The following GABRB2 variants were observed in gnomAD, a reference collection of about 807,000 sequenced individuals.
GABRB2 encodes the protein gamma-aminobutyric acid receptor subunit beta-2.
GABRB2 carries 16 observed loss-of-function variants against 54.7 expected under a neutral mutation model. The observed-to-expected ratio is 0.29, with a 90% CI of 0.20 to 0.44. The LOEUF is 0.44. GABRB2 is among the 20% of genes least tolerant of loss of function. The pLI is 1.00. For missense variants in GABRB2, 355 were observed against 644.0 expected (o/e 0.55, Z 4.86); for synonymous variants, 244 against 233.8 (o/e 1.04, Z -0.40).
rs749235572 is a variant in GABRB2, at chr5:161,330,952, T to A, written c.1008A>T (p.Gln336His). ...VNYIFFGRGP[Q>H]RQKKAAEKAA... ...CCTTCTCAGCTGCTTTCTTTTGGCG[T>A]TGGGGCCCCCTCCCAAAGAAGATGT... Residue 336 changes from glutamine to histidine, a missense_variant, in exon 8 of 10, where the codon CAA becomes CAT. Physicochemically the swap from Gln to His is conservative, Grantham distance 24 (BLOSUM62 0). This residue lies in a region of GABRB2 where 201 missense variants were observed against 228.1 expected (regional missense o/e 0.88). Coordinates refer to ENST00000393959, the MANE Select transcript of GABRB2 (RefSeq NM_001371727.1). 15 of 1,614,242 alleles carry A rather than the reference T, an allele frequency of 9.3e-6. No individual in the cohort carries two copies. The highest frequency in any genetic ancestry group is 7.7e-5 in the South Asian group (7 of 91,088).
intron 3 of GABRB2, among the ~76,000 whole-genome samples, chr5:161,503,928 A>T (rs1407690489): frequency 6.6e-6 from 1 of 152,090 alleles, no homozygotes; most frequent in Non-Finnish European, 1.5e-5. Context: ...GACAAATTAG[A>T]CTTCTACATA....
intron 3 of GABRB2, among the ~76,000 whole-genome samples, chr5:161,496,728 A>G (rs1759260437): frequency 6.6e-6 from 1 of 152,112 alleles, no homozygotes; most frequent in African/African-American, 2.4e-5. Context: ...TAACATCTGC[A>G]GAGTAGTTAC....
chr5:161,489,122 GA>G (rs919584475), intron 3 of GABRB2, among the ~76,000 whole-genome samples: 3 of 151,750 alleles, frequency 2.0e-5, no homozygotes, highest in African/African-American at 7.2e-5. Flanking sequence ...TTAGTGCTGA[GA>G]ATGGATGGCT....
chr5:161,311,015 C>A (rs1205048136), intron 9 of GABRB2, among the ~76,000 whole-genome samples: 2 of 152,128 alleles, frequency 1.3e-5, no homozygotes, highest in East Asian at 3.9e-4. Flanking sequence ...CCGCCTCGGC[C>A]TCCCAAAGTG....
chr5:161,380,148 C>T (rs907831764), intron 5 of GABRB2, among the ~76,000 whole-genome samples: 2 of 151,952 alleles, frequency 1.3e-5, no homozygotes, highest in African/African-American at 4.8e-5. Context: ...AAGCAAATAT[C>T]TCAGGTATTG....
Position 161,292,696 on chromosome 5 carries a change from A to G in GABRB2, c.*1385T>C, listed in dbSNP as rs1017359048. 6.6e-6 allele frequency: 1 copy of G among 152,230 alleles called. No homozygotes were observed. The highest frequency in any genetic ancestry group is 1.5e-5 in the Non-Finnish European group (1 of 68,030). The allele number at this position is 152,230 out of a possible 1,614,324, so 9.4% of individuals were successfully genotyped here. Reference sequence around the variant, plus strand: ...CTTGATTAGGCAGATTGCAACATATACAATGAAAGCACTCTTAAGAAAATC... The same window carrying G: ...CTTGATTAGGCAGATTGCAACATATGCAATGAAAGCACTCTTAAGAAAATC... On this transcript the variant is annotated 3_prime_UTR_variant, in exon 10 of 10. Transcript: ENST00000393959.
intron 5 of GABRB2, among the ~76,000 whole-genome samples, chr5:161,409,667 C>T (rs1014097951): frequency 3.3e-5 from 5 of 152,152 alleles, no homozygotes; most frequent in African/African-American, 9.7e-5. Context: ...ATGAGTGGTA[C>T]ATAGCAACGT....
intron 3 of GABRB2, among the ~76,000 whole-genome samples, chr5:161,463,656 C>G (rs1260230228): frequency 7.2e-6 from 1 of 138,790 alleles, no homozygotes; most frequent in Non-Finnish European, 1.5e-5. Context: ...GGAAGACTCA[C>G]ACAATCTGAT....
chr5:161,382,727 T>C (rs552848296), intron 5 of GABRB2, among the ~76,000 whole-genome samples: 58 of 152,322 alleles, frequency 3.8e-4, no homozygotes, highest in African/African-American at 1.3e-3. Context: ...TGTCTGTCCC[T>C]TACACATTAT....
chr5:161,433,895 C>A (rs17462353), intron 4 of GABRB2, among the ~76,000 whole-genome samples: 10,156 of 152,090 alleles, frequency 0.067, 470 homozygotes, highest in Middle Eastern at 0.088. Flanking sequence ...ATCTGTCAAT[C>A]CTTTACAAAA....
chr5:161,331,207 A>G (rs1204844761), intron 7 of GABRB2, 80 bp from the exon 8 acceptor site: 1 of 1,451,056 alleles, frequency 6.9e-7, no homozygotes, highest in Non-Finnish European at 9.2e-7. Flanking sequence ...GGTGATCTAT[A>G]TTCATTTTCT....
intron 5 of GABRB2, among the ~76,000 whole-genome samples, chr5:161,360,410 A>T (rs1754774869): frequency 1.3e-5 from 2 of 152,214 alleles, no homozygotes; most frequent in South Asian, 4.1e-4. Flanking sequence ...GATAATATGG[A>T]TATCAATAAA....
intron 3 of GABRB2, among the ~76,000 whole-genome samples, chr5:161,477,302 A>G (rs1275377104): frequency 7.1e-6 from 1 of 140,188 alleles, no homozygotes; most frequent in Non-Finnish European, 1.6e-5. Context: ...AAAAAAAAAA[A>G]GAACAGTAAG....
intron 3 of GABRB2, among the ~76,000 whole-genome samples, chr5:161,503,484 A>C (rs1003242358): frequency 6.6e-6 from 1 of 152,074 alleles, no homozygotes; most frequent in Non-Finnish European, 1.5e-5. Flanking sequence ...TGAGGCGGGC[A>C]GATCACCTGA....
In GABRB2 at chr5:161,546,599, G is replaced by A. The variant is rs759095506; in HGVS notation, c.45C>T (p.Phe15=). 1.2e-6 allele frequency: 2 copies of A among 1,601,150 alleles called. No homozygotes were observed. Among genetic ancestry groups the A allele is most frequent in the African/African-American group, 2.7e-5 (2 of 74,786 alleles). The change falls in exon 1 of 10, where the codon TTC becomes TTT. Residue 15 remains phenylalanine (F), a synonymous_variant. Coordinates refer to ENST00000393959, the MANE Select transcript of GABRB2 (RefSeq NM_001371727.1). The part of the protein sequence containing the change: ...RKRGYFGIWS[F]PLIIAAVCAQ... The stretch of plus-strand genomic sequence containing the variant: ...CACAGACAGCGGCGATTATTAAGGG[G>A]AAGGACCAAATCCCAAAGTAGCCCC...
intron 9 of GABRB2, among the ~76,000 whole-genome samples, chr5:161,302,199 A>G (rs1341040736): frequency 1.3e-5 from 2 of 152,238 alleles, no homozygotes; most frequent in African/African-American, 4.8e-5. Flanking sequence ...AACAACCATC[A>G]TGTTAAATGT....
At chr5:161,522,163 G>C (rs1561681130) in intron 3 of GABRB2, among the ~76,000 whole-genome samples, 1 of 151,764 alleles carries the variant, frequency 6.6e-6, no homozygotes, top group Non-Finnish European at 1.5e-5. Context: ...TAAAGCTCTT[G>C]ATAGCCTCAT....
chr5:161,427,198 A>G (rs1757025601), intron 4 of GABRB2, among the ~76,000 whole-genome samples: 1 of 152,088 alleles, frequency 6.6e-6, no homozygotes, highest in Non-Finnish European at 1.5e-5. Flanking sequence ...CTAACTGGAG[A>G]AGAAGAAGAC....
chr5:161,508,054 T>C (rs1021709020), intron 3 of GABRB2, among the ~76,000 whole-genome samples: 1 of 151,906 alleles, frequency 6.6e-6, no homozygotes, highest in Non-Finnish European at 1.5e-5. Flanking sequence ...GAACAAAAAA[T>C]ACTCAAGTAC....
Sources: allele counts gnomAD v4.1 joint callset (sites outside exome capture counted in the v4.1 genomes callset), GRCh38; gene constraint gnomAD v4.1.1; regional missense constraint gnomAD v4.1.1; transcripts MANE v1.5; gene names NCBI Gene and HGNC (gene_info 2026-07-23, HGNC 2026-07-21).